Variants in PGM5 observed in about 807,000 individuals in gnomAD.
PGM5 encodes phosphoglucomutase-like protein 5.
In PGM5, 23 loss-of-function variants were observed where a neutral mutation model predicts 59.2. The ratio of observed to expected loss-of-function variants is 0.39; its 90% CI spans 0.28 to 0.55. The LOEUF is 0.55. Ranked by LOEUF, PGM5 falls within the 20% of genes least tolerant of loss-of-function variation. The pLI, the probability that PGM5 is intolerant of heterozygous loss-of-function variation, is 0.66. For synonymous variants in PGM5, 214 were observed against 286.0 expected (o/e 0.75, Z 2.54); for missense variants, 574 against 748.3 (o/e 0.77, Z 2.72).
chr9:68,449,213 AT>A (rs1419704479), intron 6 of PGM5, among the ~76,000 whole-genome samples: 1 of 152,174 alleles, frequency 6.6e-6, no homozygotes, highest in Non-Finnish European at 1.5e-5. Context: ...TCCTAATAAT[AT>A]CACGTTGGGG....
intron 7 of PGM5, chr9:68,466,619 G>T (rs1224301271): frequency 6.5e-6 from 1 of 153,522 alleles, no homozygotes; most frequent in African/African-American, 2.4e-5. Context: ...GGCAATTAGT[G>T]TGGAAGGTTA....
chr9:68,374,395 G>A (rs1821822380), intron 1 of PGM5, among the ~76,000 whole-genome samples: 1 of 148,312 alleles, frequency 6.7e-6, no homozygotes, highest in Admixed American at 6.8e-5. Flanking sequence ...ATGACTTTGG[G>A]TAATACTATA....
chr9:68,415,431 C>A (rs1181906847), intron 6 of PGM5, among the ~76,000 whole-genome samples: 3 of 147,570 alleles, frequency 2.0e-5, no homozygotes, highest in South Asian at 2.1e-4. Context: ...ACAATGGGGA[C>A]ACCTGACTAC....
chr9:68,373,643 T>A (rs1554677328), intron 1 of PGM5, among the ~76,000 whole-genome samples: 3 of 152,114 alleles, frequency 2.0e-5, no homozygotes, highest in Non-Finnish European at 4.4e-5. Flanking sequence ...GGCATTAAAC[T>A]GTCGTTTATG....
intron 10 of PGM5, among the ~76,000 whole-genome samples, chr9:68,504,799 G>A (rs904683467): frequency 1.3e-5 from 2 of 152,108 alleles, no homozygotes; most frequent in Non-Finnish European, 2.9e-5. Context: ...TTATTTCCCT[G>A]TATCCCCAGT....
At chr9:68,359,761 C>T (rs1410984950) in intron 1 of PGM5, among the ~76,000 whole-genome samples, 3 of 152,210 alleles carry the variant, frequency 2.0e-5, no homozygotes, top group Non-Finnish European at 4.4e-5. Context: ...CAAATCTAAC[C>T]AGTGGGCTGC....
chr9:68,414,326 G>C (rs1822985047), intron 6 of PGM5, among the ~76,000 whole-genome samples: 1 of 152,338 alleles, frequency 6.6e-6, no homozygotes, highest in East Asian at 1.9e-4. Context: ...TATCACTGGA[G>C]TCCACTCAGA....
chr9:68,482,713 T>A (rs1271177839), intron 8 of PGM5, among the ~76,000 whole-genome samples: 1 of 152,216 alleles, frequency 6.6e-6, no homozygotes, highest in African/African-American at 2.4e-5. Context: ...AAACAGACAG[T>A]CCTAGGTGTG....
chr9:68,466,253 C>A, intron 7 of PGM5: 8 of 1,068,454 alleles, frequency 7.5e-6, no homozygotes, highest in Non-Finnish European at 9.5e-6. Context: ...AGGAATTCTT[C>A]TTCTCCGATA....
intron 6 of PGM5, among the ~76,000 whole-genome samples, chr9:68,449,934 C>A (rs1823669425): frequency 6.6e-6 from 1 of 152,138 alleles, no homozygotes; most frequent in East Asian, 1.9e-4. Flanking sequence ...GTGGGGAGGA[C>A]AATTGCTTTG....
chr9:68,459,790 C>T (rs1823830528), intron 6 of PGM5, among the ~76,000 whole-genome samples: 1 of 152,016 alleles, frequency 6.6e-6, no homozygotes, highest in Admixed American at 6.6e-5. Flanking sequence ...TTTTCATATG[C>T]TAATTGTTAT....
At chr9:68,504,231 T>G (rs1824622173) in intron 10 of PGM5, among the ~76,000 whole-genome samples, 1 of 152,248 alleles carries the variant, frequency 6.6e-6, no homozygotes, top group Non-Finnish European at 1.5e-5. Flanking sequence ...TGTGCAACAC[T>G]GATTTCCCGC....
intron 6 of PGM5, among the ~76,000 whole-genome samples, chr9:68,460,760 A>G (rs1289972051): frequency 6.6e-6 from 1 of 152,158 alleles, no homozygotes; most frequent in Non-Finnish European, 1.5e-5. Flanking sequence ...GCATTTATTG[A>G]GGGCAAGTCT....
chr9:68,372,541 C>G (rs1329660736), intron 1 of PGM5, among the ~76,000 whole-genome samples: 1 of 152,098 alleles, frequency 6.6e-6, no homozygotes, highest in Non-Finnish European at 1.5e-5. Flanking sequence ...TCTGCAGTGG[C>G]CATAGCCAGG....
At chr9:68,361,787 C>G in intron 1 of PGM5, among the ~76,000 whole-genome samples, 1 of 151,934 alleles carries the variant, frequency 6.6e-6, no homozygotes, top group Non-Finnish European at 1.5e-5. Flanking sequence ...GGAAGACATA[C>G]ACGTTCAGCC....
chr9:68,404,657 C>T (rs11141466), intron 6 of PGM5, among the ~76,000 whole-genome samples: 7,664 of 152,222 alleles, frequency 0.05, 611 homozygotes, highest in East Asian at 0.41. Flanking sequence ...CAGGTTGCTG[C>T]CTGACGATTA....
In PGM5 at chr9:68,392,495, A is replaced by G. The variant is rs548881676; in HGVS notation, c.1043+22A>G. 8.7e-6 allele frequency: 14 copies of G among 1,609,156 alleles called. No individual in the cohort carries two copies. The South Asian group carries it at 1.5e-4, about 18-fold the overall frequency. On this transcript the variant is annotated intron_variant, in intron 6 of 10. Coordinates refer to ENST00000396396, the MANE Select transcript of PGM5 (RefSeq NM_021965.4). ...ACAGGTAAGCAAGGATGTCACCGTG[A>G]AAAACTTTATGGTAGACCTTTGGCG...
intron 9 of PGM5, among the ~76,000 whole-genome samples, chr9:68,487,365 T>G (rs1824311897): frequency 6.6e-6 from 1 of 151,796 alleles, no homozygotes; most frequent in Non-Finnish European, 1.5e-5. Flanking sequence ...GAAATATCAG[T>G]TCCCTCCCCT....
chr9:68,496,066 G>T lies in PGM5; in HGVS notation c.1480-3161G>T, dbSNP rs1034582574. ...ACAACTTGTTTCATAAAAGTAGGTG[G>T]CAGGTCAACTTCTTACCTACAGGCT... On this transcript the variant is annotated intron_variant, in intron 9 of 10. Coordinates refer to ENST00000396396, the MANE Select transcript of PGM5 (RefSeq NM_021965.4). 5.3e-5 allele frequency among the ~76,000 whole-genome samples: 8 copies of T among 152,184 alleles called. No individual in the cohort carries two copies. The East Asian group carries it at 1.2e-3, about 22-fold the overall frequency.
Sources: allele counts gnomAD v4.1 joint callset (sites outside exome capture counted in the v4.1 genomes callset), GRCh38; gene constraint gnomAD v4.1.1; transcripts MANE v1.5; gene names NCBI Gene and HGNC (gene_info 2026-07-23, HGNC 2026-07-21).